The following PATJ variants were observed in gnomAD, a reference collection of about 807,000 sequenced individuals.
PATJ encodes the protein inaD-like protein.
PATJ carries 190 observed loss-of-function variants against 224.9 expected under a neutral mutation model. That is an observed-to-expected ratio of 0.84 (90% CI 0.75 to 0.95). The LOEUF is 0.95. Among genes scored for constraint, PATJ ranks in the 40% least tolerant of loss-of-function variants. The probability of loss-of-function intolerance (pLI) is 0.00; values close to 1 mark genes in which losing one functional copy is unlikely to be tolerated. For missense variants in PATJ, 2,121 were observed against 2,270.3 expected, an observed-to-expected ratio of 0.93 and a Z score of 1.34; for synonymous variants, 769 against 820.3, an observed-to-expected ratio of 0.94 and a Z score of 1.07.
intron 27 of PATJ, among the ~76,000 whole-genome samples, chr1:61,938,689 A>AAAAT (rs1477514102): frequency 3.9e-5 from 6 of 152,076 alleles, no homozygotes; most frequent in Non-Finnish European, 8.8e-5. Context: ...ATCTCTGTTA[A>AAAAT]AAATAAATAA....
chr1:61,914,529 G>A, intron 25 of PATJ, 58 bp from the exon 26 acceptor site: 5 of 785,396 alleles, frequency 6.4e-6, no homozygotes, highest in East Asian at 2.6e-5. Context: ...AGAAAAAAAA[G>A]GAATGATTAT....
At chr1:62,158,933 G>C (rs1415229823) in intron 43 of PATJ, among the ~76,000 whole-genome samples, 1 of 150,438 alleles carries the variant, frequency 6.6e-6, no homozygotes, top group East Asian at 1.9e-4. Flanking sequence ...TGGGCGACAA[G>C]AGTGAAACTC....
Position 61,833,638 on chromosome 1 carries a change from T to G in PATJ, c.1981-16T>G, listed in dbSNP as rs920016577. The G allele has an allele frequency of 1.9e-6, 3 of 1,600,066 alleles. No homozygotes were observed. The highest frequency in any genetic ancestry group is 1.7e-6 in the Non-Finnish European group (2 of 1,174,536). ...AGCATAGTGTTTTGAAGCATTTATC[T>G]TCTTTGGTATTTCAGGTTGACCACA... On this transcript the variant is annotated splice_polypyrimidine_tract_variant and intron_variant, in intron 16 of 43. Transcript: ENST00000642238.
chr1:62,088,214 C>T (rs1233828808), intron 33 of PATJ, among the ~76,000 whole-genome samples: 1 of 152,184 alleles, frequency 6.6e-6, no homozygotes, highest in Non-Finnish European at 1.5e-5. Flanking sequence ...TTTATGTCAT[C>T]TGGTCTCTCA....
chr1:61,998,728 C>T (rs1281316301), intron 28 of PATJ, among the ~76,000 whole-genome samples: 2 of 152,174 alleles, frequency 1.3e-5, no homozygotes, highest in Admixed American at 6.5e-5. Context: ...TATTTTCCAA[C>T]TGCAGGAACT....
At chr1:61,832,140 CAAAG>C (rs149193091) in intron 16 of PATJ, among the ~76,000 whole-genome samples, 6,579 of 151,840 alleles carry the variant, frequency 0.043, 433 homozygotes, top group African/African-American at 0.14. Context: ...CACATGGACA[CAAAG>C]AAGAGAACAA....
intron 20 of PATJ, among the ~76,000 whole-genome samples, chr1:61,869,505 G>A (rs1665996654): frequency 6.6e-6 from 1 of 152,084 alleles, no homozygotes; most frequent in African/African-American, 2.4e-5. Context: ...ACCTCAAGAG[G>A]GAATGTTTGA....
At chr1:62,007,404 C>T (rs1646156563) in intron 28 of PATJ, among the ~76,000 whole-genome samples, 1 of 152,202 alleles carries the variant, frequency 6.6e-6, no homozygotes, top group Admixed American at 6.5e-5. Flanking sequence ...GCATAGAAAG[C>T]TCCTTTGGAC....
At chr1:61,799,867 G>GAAAAC (rs751321413) in intron 11 of PATJ, among the ~76,000 whole-genome samples, 1 of 152,034 alleles carries the variant, frequency 6.6e-6, no homozygotes, top group Non-Finnish European at 1.5e-5. Context: ...TCATGTTGCT[G>GAAAAC]AAAACAAAAC....
intron 17 of PATJ, among the ~76,000 whole-genome samples, chr1:61,835,951 TATA>T (rs1305732298): frequency 2.0e-5 from 3 of 152,238 alleles, no homozygotes; most frequent in South Asian, 2.1e-4. Context: ...TTTGCATTCT[TATA>T]ATACATATTT....
chr1:61,991,740 C>T, intron 28 of PATJ: 1 of 983,922 alleles, frequency 1.0e-6, no homozygotes, highest in African/African-American at 1.7e-5. Flanking sequence ...ATAATCATTA[C>T]ATAAATAAAG....
chr1:61,980,899 A>C (rs539067263), intron 27 of PATJ, among the ~76,000 whole-genome samples: 38 of 152,208 alleles, frequency 2.5e-4, no homozygotes, highest in Non-Finnish European at 4.7e-4. Flanking sequence ...TGAAAAACCA[A>C]GTCAGTTTCA....
chr1:61,937,672 C>T (rs574643538), intron 27 of PATJ, among the ~76,000 whole-genome samples: 14 of 120,878 alleles, frequency 1.2e-4, no homozygotes, highest in African/African-American at 3.6e-4. Flanking sequence ...TTTTTTGAGA[C>T]GGAGCGTTGC....
At chr1:61,871,451 ATATG>A in intron 20 of PATJ, among the ~76,000 whole-genome samples, 1 of 140,280 alleles carries the variant, frequency 7.1e-6, no homozygotes, top group Non-Finnish European at 1.5e-5. Context: ...ATACACATAT[ATATG>A]CGTATATATA....
At chr1:62,133,884 C>T (rs1666527887) in intron 41 of PATJ, among the ~76,000 whole-genome samples, 3 of 151,534 alleles carry the variant, frequency 2.0e-5, no homozygotes, top group African/African-American at 7.3e-5. Context: ...GTAGCTGGGA[C>T]CACAGGCACC....
chr1:61,990,118 T>C, intron 27 of PATJ, 50 bp from the exon 28 acceptor site: 1 of 1,287,610 alleles, frequency 7.8e-7, no homozygotes. Context: ...GACATCTCAA[T>C]AATACAGATC....
intron 27 of PATJ, among the ~76,000 whole-genome samples, chr1:61,930,053 G>A (rs911808087): frequency 6.6e-6 from 1 of 152,156 alleles, no homozygotes; most frequent in Non-Finnish European, 1.5e-5. Flanking sequence ...CTAATATTGA[G>A]CCATTCTTGA....
chr1:61,812,571 A>G (rs995982892), intron 14 of PATJ, among the ~76,000 whole-genome samples: 27 of 151,908 alleles, frequency 1.8e-4, no homozygotes, highest in African/African-American at 6.5e-4. Flanking sequence ...AGTCTTGGCC[A>G]GGCACAGTGG....
chr1:61,817,198 A>C (rs889505040), intron 14 of PATJ, among the ~76,000 whole-genome samples: 1 of 152,230 alleles, frequency 6.6e-6, no homozygotes, highest in African/African-American at 2.4e-5. Context: ...TGTTAGTTCA[A>C]GTATCAAAAA....
Sources: gnomAD v4.1 joint callset for allele counts (sites outside exome capture counted in the v4.1 genomes callset) on GRCh38, gnomAD v4.1.1 for gene constraint, MANE v1.5 for transcripts, NCBI Gene and HGNC (gene_info 2026-07-23, HGNC 2026-07-21) for gene names.